The following RNF150 variants were observed in gnomAD, a reference collection of about 807,000 sequenced individuals.
RNF150 encodes ring finger protein 150.
Under a neutral mutation model 39.3 loss-of-function variants are expected in RNF150, and 24 were observed. The observed-to-expected ratio is 0.61, with a 90% CI of 0.44 to 0.86. RNF150 has a LOEUF of 0.86. RNF150 is among the 40% of genes least tolerant of loss of function. RNF150 has a pLI of 0.00. For synonymous variants in RNF150, 255 were observed against 227.3 expected (o/e 1.12, Z -1.10); for missense variants, 502 against 587.8 (o/e 0.85, Z 1.51).
Position 140,918,912 on chromosome 4 carries a change from T to TAA in RNF150, c.987+7063_987+7064dup, listed in dbSNP as rs1423634129. Among the ~76,000 whole-genome samples the TAA allele has an allele frequency of 3.3e-5, 5 of 152,290 alleles. No individual in the cohort carries two copies. In the South Asian group the frequency reaches 8.3e-4, roughly 25 times the overall value. ...AAATCAATAATTCTAATCCAGCATA[T>TAA]AAACAGAACCAAAGACAAAAACCAC... On this transcript the variant is annotated intron_variant, in intron 5 of 6. Coordinates refer to ENST00000515673, the MANE Select transcript of RNF150 (RefSeq NM_020724.2).
chr4:140,895,517 A>G (rs1284787910), intron 6 of RNF150, among the ~76,000 whole-genome samples: 1 of 152,202 alleles, frequency 6.6e-6, no homozygotes, highest in African/African-American at 2.4e-5. Flanking sequence ...ATAGGAAAAT[A>G]AAAACAAAGA....
chr4:140,960,294 G>A (rs550021845), intron 2 of RNF150, among the ~76,000 whole-genome samples: 7 of 152,158 alleles, frequency 4.6e-5, no homozygotes, highest in Non-Finnish European at 1.0e-4. Context: ...ATTAGGCTGT[G>A]TGATACTGTG....
Position 141,132,495 on chromosome 4 carries a change from T to C in RNF150, c.314A>G (p.Asn105Ser), listed in dbSNP as rs763175787. Reference sequence around the variant, plus strand: ...GCGGGTCGGGGCGGCGAACTTGGTGTTGGGGTCGCAGGCCAGGCGGTCGTG... The same window carrying C: ...GCGGGTCGGGGCGGCGAACTTGGTGCTGGGGTCGCAGGCCAGGCGGTCGTG... The part of the protein sequence containing the change: ...SAHDRLACDP[N>S]TKFAAPTRGK... The change falls in exon 1 of 7, where the codon AAC becomes AGC. Residue 105 changes from asparagine (N) to serine (S), a missense_variant. Coordinates refer to ENST00000515673, the MANE Select transcript of RNF150 (RefSeq NM_020724.2). This position sits in a 1 kb window ranked among gnomAD's most constrained non-coding sequence, Gnocchi z 4.9. The C allele has an allele frequency of 5.0e-6, 8 of 1,606,676 alleles. No homozygotes were observed. Among genetic ancestry groups the C allele is most frequent in the Non-Finnish European group, 5.9e-6 (7 of 1,177,534 alleles).
intron 1 of RNF150, among the ~76,000 whole-genome samples, chr4:141,066,474 TGA>T (rs752563150): frequency 2.7e-4 from 41 of 152,200 alleles, no homozygotes; most frequent in Non-Finnish European, 5.4e-4. Context: ...AATTTTTCAG[TGA>T]GTTTACACTT....
intron 2 of RNF150, among the ~76,000 whole-genome samples, chr4:140,963,419 T>C (rs1733115578): frequency 6.6e-6 from 1 of 152,082 alleles, no homozygotes; most frequent in Non-Finnish European, 1.5e-5. Context: ...CACTGCCATA[T>C]GGTGGCCACA....
At chr4:140,947,195 T>C (rs928978629) in intron 4 of RNF150, among the ~76,000 whole-genome samples, 1 of 152,038 alleles carries the variant, frequency 6.6e-6, no homozygotes, top group African/African-American at 2.4e-5. Context: ...TGAAAGGGCA[T>C]GGGATCTGTC....
intron 1 of RNF150, among the ~76,000 whole-genome samples, chr4:141,071,296 T>G (rs1304718896): frequency 1.1e-3 from 166 of 148,878 alleles, no homozygotes; most frequent in African/African-American, 3.7e-3. Context: ...GACGAGTTGG[T>G]GGGTGCAGCG....
At chr4:141,125,618 G>A (rs1041459747) in intron 1 of RNF150, among the ~76,000 whole-genome samples, 2 of 152,118 alleles carry the variant, frequency 1.3e-5, no homozygotes, top group Non-Finnish European at 2.9e-5. Flanking sequence ...TAATGGTTAA[G>A]CAACAATAAC....
At chr4:141,081,361 A>C (rs1738141427) in intron 1 of RNF150, among the ~76,000 whole-genome samples, 1 of 152,212 alleles carries the variant, frequency 6.6e-6, no homozygotes, top group Admixed American at 6.5e-5. Flanking sequence ...TGCTACTGAT[A>C]GAGAGCAGGA....
At chr4:140,916,493 G>A (rs902796172) in intron 5 of RNF150, among the ~76,000 whole-genome samples, 20 of 151,510 alleles carry the variant, frequency 1.3e-4, no homozygotes, top group Non-Finnish European at 2.4e-4. Flanking sequence ...GAAGTTTAGA[G>A]AAAAAATAAA....
chr4:140,907,413 T>G (rs1453498822), intron 6 of RNF150, among the ~76,000 whole-genome samples: 3 of 151,308 alleles, frequency 2.0e-5, no homozygotes, highest in Non-Finnish European at 4.4e-5. Context: ...TGTTTTTCAT[T>G]TTTTTTTTCC....
intron 1 of RNF150, among the ~76,000 whole-genome samples, chr4:141,077,746 A>G (rs1431899769): frequency 6.6e-6 from 1 of 152,224 alleles, no homozygotes; most frequent in East Asian, 1.9e-4. Flanking sequence ...GGTTCTGACT[A>G]CAAACAAATC....
At chr4:140,869,125 C>A (rs1025734015) in intron 6 of RNF150, among the ~76,000 whole-genome samples, 1 of 152,128 alleles carries the variant, frequency 6.6e-6, no homozygotes. Flanking sequence ...TTTACAGTAG[C>A]AAAACATTGC....
intron 1 of RNF150, among the ~76,000 whole-genome samples, chr4:141,089,124 T>A (rs995705019): frequency 1.3e-5 from 2 of 152,168 alleles, no homozygotes; most frequent in Admixed American, 6.5e-5. Context: ...AGTTGCTACT[T>A]CTTGTGTTGC....
chr4:141,162,404 T>G (rs2111159834), intron 1 of RNF150, among the ~76,000 whole-genome samples: 1 of 152,146 alleles, frequency 6.6e-6, no homozygotes, highest in East Asian at 1.9e-4. Context: ...AACTATGTCG[T>G]TTTTGATTTT....
At chr4:140,885,047 T>A (rs1298863039) in intron 6 of RNF150, among the ~76,000 whole-genome samples, 1 of 152,156 alleles carries the variant, frequency 6.6e-6, no homozygotes, top group African/African-American at 2.4e-5. Context: ...TCCGTTGGTA[T>A]CTCCATGGAG....
Position 140,999,988 on chromosome 4 carries a change from GAAGA to G in RNF150, c.485-32119_485-32116del, listed in dbSNP as rs1560678722. On this transcript the variant is annotated intron_variant, in intron 1 of 6. Coordinates refer to ENST00000515673, the MANE Select transcript of RNF150 (RefSeq NM_020724.2). ...GAAGAAGAAGAAGAAAAGAAGAAAA[GAAGA>G]AAAGAAGAAGAAGAAGAAGAAGAAG... 1.9e-3 allele frequency among the ~76,000 whole-genome samples: 55 copies of G among 28,236 alleles called. 8 individuals are homozygous for G. Among genetic ancestry groups the G allele is most frequent in the African/African-American group, 3.8e-3 (52 of 13,610 alleles). The allele number at this position is 28,236 out of a possible 152,430, so 18.5% of individuals were successfully genotyped here.
intron 1 of RNF150, among the ~76,000 whole-genome samples, chr4:141,197,748 G>T (rs575657064): frequency 6.6e-6 from 1 of 151,844 alleles, no homozygotes; most frequent in African/African-American, 2.4e-5. Context: ...TATGGTGGTG[G>T]GTACCTGTAG....
intron 5 of RNF150, among the ~76,000 whole-genome samples, chr4:140,912,058 T>C (rs1201899480): frequency 6.6e-6 from 1 of 152,226 alleles, no homozygotes; most frequent in Non-Finnish European, 1.5e-5. Context: ...CGCTTTCCTC[T>C]CCAATATCAT....
Sources: gnomAD v4.1 joint callset for allele counts (sites outside exome capture counted in the v4.1 genomes callset) on GRCh38, gnomAD v4.1.1 for gene constraint, Gnocchi (gnomAD v3.1) non-coding constraint, MANE v1.5 for transcripts, NCBI Gene and HGNC (gene_info 2026-07-23, HGNC 2026-07-21) for gene names.